ZNF532: variants seen among roughly 807,000 people sequenced by gnomAD.
The protein encoded by ZNF532 is zinc finger protein 532.
Under a neutral mutation model 89.3 loss-of-function variants are expected in ZNF532, and 22 were observed. That is an observed-to-expected ratio of 0.25 (90% CI 0.18 to 0.35). The LOEUF is 0.35. Ranked by LOEUF, ZNF532 falls within the 10% of genes least tolerant of loss-of-function variation. ZNF532 has a pLI of 1.00. For synonymous variants in ZNF532, 606 were observed against 649.6 expected, an observed-to-expected ratio of 0.93 and a Z score of 1.02; for missense variants, 1,132 against 1,643.4, an observed-to-expected ratio of 0.69 and a Z score of 5.38.
rs377446298 is a variant in ZNF532 at position 58,973,078 on chromosome 18, G to T, written c.3151-5977G>T. 1.3e-4 allele frequency among the ~76,000 whole-genome samples: 20 copies of T among 152,268 alleles called. No individual in the cohort carries two copies. The East Asian group carries it at 2.9e-3, about 22-fold the overall frequency. ...GAAGAAAGAGGCTTACTGTAAGTTGGTGTTTTACCTACTAATTGAAATATA... is the reference window on the plus strand; with the variant it reads ...GAAGAAAGAGGCTTACTGTAAGTTGTTGTTTTACCTACTAATTGAAATATA... On this transcript the variant is annotated intron_variant, in intron 7 of 9. Coordinates refer to ENST00000591808, the MANE Select transcript of ZNF532 (RefSeq NM_001375912.1).
Position 58,918,720 on chromosome 18 carries a change from G to C in ZNF532, c.433G>C (p.Glu145Gln), listed in dbSNP as rs766324875. The change falls in exon 3 of 10, where the codon GAG becomes CAG. Residue 145 changes from glutamate (E) to glutamine (Q), a missense_variant. By Grantham distance (29) the Glu-to-Gln change is conservative (BLOSUM62 2). Transcript: ENST00000591808. ...AGAGTTTGATGACGACGAGAAGATT[G>C]AGGTGGATGACCCCCCTGACAAGGA... ...AEEFDDDEKI[E>Q]VDDPPDKEDM... 25 of 1,614,056 alleles carry C rather than the reference G, an allele frequency of 1.5e-5. No individual in the cohort carries two copies. Among genetic ancestry groups the C allele is most frequent in the Non-Finnish European group, 2.0e-5 (24 of 1,180,036 alleles).
At chr18:58,953,183 T>C (rs1291831583) in intron 6 of ZNF532, 1 of 185,192 alleles carries the variant, frequency 5.4e-6, no homozygotes, top group African/African-American at 2.4e-5. Flanking sequence ...CGAAATGGTT[T>C]GTTGTAGAGA....
intron 7 of ZNF532, among the ~76,000 whole-genome samples, chr18:58,973,532 G>A (rs1055333209): frequency 6.6e-6 from 1 of 152,192 alleles, no homozygotes; most frequent in African/African-American, 2.4e-5. Context: ...AAAAGATGGC[G>A]GAACGGTGGC....
chr18:58,893,003 A>C (rs2059005919), intron 2 of ZNF532, among the ~76,000 whole-genome samples: 1 of 133,898 alleles, frequency 7.5e-6, no homozygotes, highest in Non-Finnish European at 1.5e-5. Context: ...TTTTTTTGAG[A>C]TGGAGTCTTG....
intron 5 of ZNF532, among the ~76,000 whole-genome samples, chr18:58,941,244 G>A (rs1472266104): frequency 2.0e-5 from 3 of 151,934 alleles, no homozygotes; most frequent in Non-Finnish European, 2.9e-5. Flanking sequence ...TTAGACTTGT[G>A]GGTACTAATG....
rs71173096 is a variant in ZNF532 at position 58,888,891 on chromosome 18, T to TTATA, written c.-18+23331_-18+23334dup. ...ATAATATATATTATATATATATATT[T>TTATA]TATATATATATATATATATATAATT... On this transcript the variant is annotated intron_variant, in intron 2 of 9. Coordinates refer to ENST00000591808, the MANE Select transcript of ZNF532 (RefSeq NM_001375912.1). 0.013 allele frequency among the ~76,000 whole-genome samples: 499 copies of TTATA among 37,274 alleles called. 28 individuals carry two copies. In the East Asian group the frequency reaches 0.15, roughly 12 times the overall value. The allele number at this position is 37,274 out of a possible 152,430, so 24.5% of individuals were successfully genotyped here.
At chr18:58,941,962 C>CCT (rs2063094630) in intron 5 of ZNF532, among the ~76,000 whole-genome samples, 4 of 133,234 alleles carry the variant, frequency 3.0e-5, no homozygotes, top group Non-Finnish European at 5.0e-5. Flanking sequence ...CTCCCTCCCT[C>CCT]TCTCCCTCCC....
chr18:58,909,691 G>A (rs996069734), intron 2 of ZNF532, among the ~76,000 whole-genome samples: 4 of 152,156 alleles, frequency 2.6e-5, no homozygotes, highest in South Asian at 2.1e-4. Context: ...AAACAGGCAC[G>A]CGGGAACACG....
intron 3 of ZNF532, chr18:58,931,675 A>G (rs1042526810): frequency 2.0e-5 from 3 of 152,106 alleles, no homozygotes; most frequent in Admixed American, 6.6e-5. Flanking sequence ...GGTGGCTCAC[A>G]CCTGTAGTCC....
At chr18:58,888,261 G>A (rs2058442883) in intron 2 of ZNF532, among the ~76,000 whole-genome samples, 1 of 152,158 alleles carries the variant, frequency 6.6e-6, no homozygotes, top group East Asian at 1.9e-4. Context: ...CTGCAAATCA[G>A]TCAAATATTA....
intron 6 of ZNF532, among the ~76,000 whole-genome samples, chr18:58,948,897 C>G (rs2063902479): frequency 6.6e-6 from 1 of 152,158 alleles, no homozygotes; most frequent in Admixed American, 6.6e-5. Context: ...GACTTAGAAA[C>G]AGACAAGGGC....
intron 7 of ZNF532, among the ~76,000 whole-genome samples, chr18:58,955,658 A>G (rs2064694991): frequency 6.6e-6 from 1 of 152,254 alleles, no homozygotes; most frequent in African/African-American, 2.4e-5. Flanking sequence ...GCTGGATCAC[A>G]ATATTCACAA....
chr18:58,897,431 G>A (rs2059322538), intron 2 of ZNF532, among the ~76,000 whole-genome samples: 1 of 152,132 alleles, frequency 6.6e-6, no homozygotes, highest in South Asian at 2.1e-4. Context: ...AATCTAAAAT[G>A]ACTGTTTTTG....
intron 7 of ZNF532, among the ~76,000 whole-genome samples, chr18:58,959,906 G>A (rs1369746478): frequency 6.6e-6 from 1 of 152,000 alleles, no homozygotes; most frequent in Non-Finnish European, 1.5e-5. Flanking sequence ...ATACAGAGAC[G>A]TTATACATTT....
chr18:58,934,716 T>A, intron 4 of ZNF532, 102 bp downstream of exon 4: 1 of 1,135,194 alleles, frequency 8.8e-7, no homozygotes, highest in South Asian at 1.5e-5. Flanking sequence ...CATACGGTGA[T>A]ACCTCGATTA....
intron 2 of ZNF532, among the ~76,000 whole-genome samples, chr18:58,876,599 C>T (rs947974686): frequency 1.3e-5 from 2 of 152,208 alleles, no homozygotes; most frequent in Admixed American, 1.3e-4. Context: ...GTTTATTCCT[C>T]TCCCTACATT....
At chr18:58,914,996 A>T (rs2060504770) in intron 2 of ZNF532, among the ~76,000 whole-genome samples, 1 of 152,218 alleles carries the variant, frequency 6.6e-6, no homozygotes, top group South Asian at 2.1e-4. Flanking sequence ...CTGAGAAATG[A>T]AGTGGGAGTT....
intron 2 of ZNF532, among the ~76,000 whole-genome samples, chr18:58,888,316 C>T (rs1180327736): frequency 6.6e-6 from 1 of 152,090 alleles, no homozygotes; most frequent in Non-Finnish European, 1.5e-5. Flanking sequence ...TTAGAATGTA[C>T]AATGTCACGT....
At position 58,983,964 on chromosome 18, in the gene ZNF532, C is replaced by T; in HGVS notation, c.3412-8C>T. 6.3e-7 allele frequency: 1 copy of T among 1,597,164 alleles called. No individual in the cohort carries two copies. On this transcript the variant is annotated splice_region_variant and splice_polypyrimidine_tract_variant and intron_variant, in intron 9 of 9. Transcript: ENST00000591808. ...TCAGTCGTGTCATTTGCTTTCTTTC[C>T]CTGAAAGGTCCCCAGTCCCAAGCGG...
Sources: gnomAD v4.1 joint callset for allele counts (sites outside exome capture counted in the v4.1 genomes callset) on GRCh38, gnomAD v4.1.1 for gene constraint, MANE v1.5 for transcripts, NCBI Gene and HGNC (gene_info 2026-07-23, HGNC 2026-07-21) for gene names.